Variants in ITSN1 observed in about 807,000 individuals in gnomAD.
ITSN1 encodes intersectin-1.
In ITSN1, 58 loss-of-function variants were observed where a neutral mutation model predicts 239.8. The ratio of observed to expected loss-of-function variants is 0.24; its 90% CI spans 0.20 to 0.30. ITSN1 has a LOEUF of 0.30. Ranked by LOEUF, ITSN1 falls within the 10% of genes least tolerant of loss-of-function variation. The probability of loss-of-function intolerance (pLI) is 1.00; values close to 1 mark genes in which losing one functional copy is unlikely to be tolerated. For synonymous variants in ITSN1, 780 were observed against 770.8 expected, an observed-to-expected ratio of 1.01 and a Z score of -0.20; for missense variants, 1,558 against 2,103.3, an observed-to-expected ratio of 0.74 and a Z score of 5.07.
chr21:33,715,978 A>G (rs1371333467), intron 1 of ITSN1, among the ~76,000 whole-genome samples: 3 of 152,220 alleles, frequency 2.0e-5, no homozygotes, highest in African/African-American at 7.2e-5. Flanking sequence ...AAGGAGAAAC[A>G]TAACAGTAAA....
intron 34 of ITSN1, among the ~76,000 whole-genome samples, chr21:33,876,623 A>G (rs1983964270): frequency 6.6e-6 from 1 of 152,180 alleles, no homozygotes. Context: ...ATTCCTGGCC[A>G]GGTGCCGTGA....
rs1261699900 is a variant in ITSN1, at chr21:33,895,314, T to C, written c.*7014T>C. ...GGAGTTACGGTGTGCTCTATTGGGA[T>C]TGGATTACAGTCTCTACTTGTAGAC... On this transcript the variant is annotated 3_prime_UTR_variant, in exon 40 of 40. Transcript: ENST00000381318. 6.6e-6 allele frequency: 1 copy of C among 152,232 alleles called. No homozygotes were observed. Among genetic ancestry groups the C allele is most frequent in the Non-Finnish European group, 1.5e-5 (1 of 68,082 alleles). 9.4% of individuals were successfully genotyped at this position (152,232 alleles called of 1,614,324 possible).
In ITSN1 at chr21:33,885,522, G is replaced by C; in HGVS notation, c.4843G>C (p.Gly1615Arg). ...GIELKPCRSH[G>R]KSNPYCEVTM... ...CGAGTTGAAACCCTGTCGGTCACATGGTAAGGCTGTGAGGCGCCCCCGGCT... is the reference window on the plus strand; with the variant it reads ...CGAGTTGAAACCCTGTCGGTCACATCGTAAGGCTGTGAGGCGCCCCCGGCT... Residue 1615 changes from glycine (G) to arginine (R), a missense_variant and splice_region_variant, in exon 38 of 40, where the codon GGA (glycine) becomes CGA (arginine). This residue lies in a region of ITSN1 where 576 missense variants were observed against 893.3 expected (regional missense o/e 0.64). Coordinates refer to ENST00000381318, the MANE Select transcript of ITSN1 (RefSeq NM_003024.3). 6.2e-7 allele frequency: 1 copy of C among 1,613,634 alleles called. No individual in the cohort carries two copies. The highest frequency in any genetic ancestry group is 8.5e-7 in the Non-Finnish European group (1 of 1,179,684).
At chr21:33,742,317 A>C (rs2066911206) in intron 5 of ITSN1, among the ~76,000 whole-genome samples, 1 of 152,130 alleles carries the variant, frequency 6.6e-6, no homozygotes, top group African/African-American at 2.4e-5. Context: ...GGCCTCCCAA[A>C]GTGCTGGGAT....
chr21:33,883,364 C>T (rs971001688), intron 35 of ITSN1, among the ~76,000 whole-genome samples, 186 bp from the exon 36 acceptor site: 1 of 152,202 alleles, frequency 6.6e-6, no homozygotes, highest in Non-Finnish European at 1.5e-5. Context: ...TACTGGAACA[C>T]ACCCAGAAAC....
chr21:33,829,489 C>T (rs1008528201), intron 26 of ITSN1, 135 bp from the exon 27 acceptor site: 30 of 901,350 alleles, frequency 3.3e-5, no homozygotes, highest in African/African-American at 5.0e-5. Context: ...GAGCCTTACT[C>T]GTTGGGTAGA....
At chr21:33,869,797 T>G (rs867053843) in intron 33 of ITSN1, among the ~76,000 whole-genome samples, 16 of 152,174 alleles carry the variant, frequency 1.1e-4, no homozygotes, top group African/African-American at 3.9e-4. Context: ...TGATTTTGTT[T>G]TGTGTTCCTC....
intron 29 of ITSN1, among the ~76,000 whole-genome samples, chr21:33,851,874 C>T (rs1282727347): frequency 2.3e-5 from 3 of 129,066 alleles, no homozygotes; most frequent in Non-Finnish European, 4.6e-5. Flanking sequence ...GCCTCTATTT[C>T]CTGGGCTCAG....
In ITSN1 at chr21:33,889,582, T is replaced by G. The variant is rs1239965791; in HGVS notation, c.*1282T>G. 2 of 152,238 alleles carry G rather than the reference T, an allele frequency of 1.3e-5. No individual in the cohort carries two copies. Among genetic ancestry groups the G allele is most frequent in the African/African-American group, 4.8e-5 (2 of 41,450 alleles). 9.4% of individuals were successfully genotyped at this position (152,238 alleles called of 1,614,324 possible). ...TGGTTAGTTAGATAGTAACTTGATTTGCTAATGAAAAGTGGGGGCCGTGTT... is the reference window on the plus strand; with the variant it reads ...TGGTTAGTTAGATAGTAACTTGATTGGCTAATGAAAAGTGGGGGCCGTGTT... On this transcript the variant is annotated 3_prime_UTR_variant, in exon 40 of 40. Transcript: ENST00000381318.
rs1420442794 is a variant in ITSN1 at position 33,892,902 on chromosome 21, A to C, written c.*4602A>C. 6.6e-6 allele frequency: 1 copy of C among 152,224 alleles called. No homozygotes were observed. The highest frequency in any genetic ancestry group is 1.5e-5 in the Non-Finnish European group (1 of 68,050). The allele number at this position is 152,224 out of a possible 1,614,324, so 9.4% of individuals were successfully genotyped here. On this transcript the variant is annotated 3_prime_UTR_variant, in exon 40 of 40. Transcript: ENST00000381318. The stretch of plus-strand genomic sequence containing the variant: ...CAGCAGAAAGACTGAGGGTGCAAAG[A>C]AACCACAGCTGCCATTCACGGGGCA...
At chr21:33,778,539 A>AT (rs2069836899) in intron 14 of ITSN1, among the ~76,000 whole-genome samples, 1 of 131,974 alleles carries the variant, frequency 7.6e-6, no homozygotes, top group Non-Finnish European at 1.7e-5. Flanking sequence ...AAATTATTAA[A>AT]TTTACTTGTA....
At chr21:33,779,147 T>A (rs2069933149) in intron 14 of ITSN1, among the ~76,000 whole-genome samples, 1 of 151,916 alleles carries the variant, frequency 6.6e-6, no homozygotes, top group South Asian at 2.1e-4. Flanking sequence ...GCTTTATTGA[T>A]TTTCTCTGTG....
At chr21:33,728,143 T>C (rs192976575) in intron 4 of ITSN1, among the ~76,000 whole-genome samples, 80 of 152,220 alleles carry the variant, frequency 5.3e-4, no homozygotes, top group African/African-American at 1.9e-3. Flanking sequence ...TTTTGTATTT[T>C]TAGTAGAGAC....
At chr21:33,677,309 G>A (rs1156624881) in intron 1 of ITSN1, among the ~76,000 whole-genome samples, 1 of 151,602 alleles carries the variant, frequency 6.6e-6, no homozygotes, top group African/African-American at 2.4e-5. Context: ...CTAATAATAA[G>A]CTGTTCAAAA....
intron 1 of ITSN1, among the ~76,000 whole-genome samples, chr21:33,694,708 C>T (rs1348618266): frequency 2.6e-5 from 4 of 152,012 alleles, no homozygotes; most frequent in East Asian, 3.8e-4. Flanking sequence ...GTAATCCCAG[C>T]GACTTGGGAG....
intron 16 of ITSN1, among the ~76,000 whole-genome samples, chr21:33,792,064 T>C (rs767049486): frequency 3.9e-5 from 6 of 152,188 alleles, no homozygotes; most frequent in Non-Finnish European, 8.8e-5. Context: ...TGTTAGACAT[T>C]GTGATGAACA....
intron 11 of ITSN1, among the ~76,000 whole-genome samples, chr21:33,770,865 G>A (rs1276808475): frequency 2.0e-5 from 3 of 150,426 alleles, no homozygotes; most frequent in Non-Finnish European, 4.4e-5. Flanking sequence ...TCAGCTTTAA[G>A]CGATTCTCCT....
At chr21:33,867,761 G>A (rs1373740630) in intron 33 of ITSN1, among the ~76,000 whole-genome samples, 2 of 152,084 alleles carry the variant, frequency 1.3e-5, no homozygotes, top group South Asian at 2.1e-4. Context: ...AAGGTGGCGC[G>A]TCTGGAGTTT....
At chr21:33,798,070 TCTTTA>T (rs1378103666) in intron 18 of ITSN1, among the ~76,000 whole-genome samples, 2 of 152,182 alleles carry the variant, frequency 1.3e-5, no homozygotes, top group Non-Finnish European at 2.9e-5. Flanking sequence ...ATTTGCCTTT[TCTTTA>T]CTTCTCTTTT....
Sources: gnomAD v4.1 joint callset for allele counts (sites outside exome capture counted in the v4.1 genomes callset) on GRCh38, gnomAD v4.1.1 for gene constraint, gnomAD v4.1.1 regional missense constraint, MANE v1.5 for transcripts, NCBI Gene and HGNC (gene_info 2026-07-23, HGNC 2026-07-21) for gene names.